The following GRSF1 variants were observed in gnomAD, a reference collection of about 807,000 sequenced individuals.
GRSF1 encodes G-rich RNA sequence binding factor 1, also known as G-rich sequence factor 1.
Under a neutral mutation model 51.1 loss-of-function variants are expected in GRSF1, and 50 were observed. The observed-to-expected ratio is 0.98, with a 90% CI of 0.78 to 1.24. GRSF1 has a LOEUF of 1.24. GRSF1 is among the 50% of genes most tolerant of loss of function. The probability of loss-of-function intolerance (pLI) is 0.00; values close to 1 mark genes in which losing one functional copy is unlikely to be tolerated. For synonymous variants in GRSF1, 293 were observed against 253.3 expected (o/e 1.16, Z -1.49); for missense variants, 700 against 639.7 (o/e 1.09, Z -1.02).
chr4:70,828,736 ATTT>A (rs35686810), intron 5 of GRSF1, among the ~76,000 whole-genome samples: 1 of 133,304 alleles, frequency 7.5e-6, no homozygotes, highest in Non-Finnish European at 1.6e-5. Flanking sequence ...CACACTGCTA[ATTT>A]TTTTTTTTTT....
intron 8 of GRSF1, among the ~76,000 whole-genome samples, chr4:70,825,007 CAGG>C (rs1733676970): frequency 6.6e-6 from 1 of 151,898 alleles, no homozygotes; most frequent in Admixed American, 6.6e-5. Context: ...GTGGCTGAGG[CAGG>C]AGAATTGCTT....
chr4:70,842,055 G>A (rs1181661577), upstream of GRSF1, among the ~76,000 whole-genome samples: 1 of 152,208 alleles, frequency 6.6e-6, no homozygotes, highest in African/African-American at 2.4e-5. Flanking sequence ...GGGAAGGGCA[G>A]GCCCCCAAGA....
Position 70,817,727 on chromosome 4 carries a change from C to T in GRSF1, c.*3160G>A, listed in dbSNP as rs1187925767. 1 of 152,202 alleles carries T rather than the reference C, an allele frequency of 6.6e-6. No homozygotes were observed. Among genetic ancestry groups the T allele is most frequent in the Non-Finnish European group, 1.5e-5 (1 of 68,032 alleles). 9.4% of individuals were successfully genotyped at this position (152,202 alleles called of 1,614,324 possible). A position where few individuals can be genotyped will look rare whatever the true frequency, so the allele number is the denominator to read the frequency against. On this transcript the variant is annotated 3_prime_UTR_variant, in exon 10 of 10. Coordinates refer to ENST00000254799, the MANE Select transcript of GRSF1 (RefSeq NM_002092.4). ...GCAGTTTCTTCCAAAACTAAACATA[C>T]TCTTAACTTACAATCCAGCAACCTG...
intron 1 of GRSF1, chr4:70,838,817 C>G (rs1447789766): frequency 9.9e-6 from 2 of 201,090 alleles, no homozygotes; most frequent in African/African-American, 4.8e-5. Flanking sequence ...CCCCCAACAG[C>G]TAAATCTCCA....
rs1463775899 is a variant in GRSF1 at position 70,832,307 on chromosome 4, C to G, written c.814G>C (p.Gly272Arg). 6.2e-7 allele frequency: 1 copy of G among 1,612,796 alleles called. No individual in the cohort carries two copies. Among genetic ancestry groups the G allele is most frequent in the Non-Finnish European group, 8.5e-7 (1 of 1,179,122 alleles). The stretch of plus-strand genomic sequence containing the variant: ...CAAGCATAATACAACTGCAAAGTAC[C>G]TGCAAAGAAGTCTACAATGTCTTTC... ...NEKDIVDFFA[G>R]LNIVDITFVM... The change falls in exon 4 of 10, where the codon GGA becomes CGA. Residue 272 changes from glycine to arginine, a missense_variant and splice_region_variant. Physicochemically the swap from Gly to Arg is moderately radical, Grantham distance 125. Coordinates refer to ENST00000254799, the MANE Select transcript of GRSF1 (RefSeq NM_002092.4).
At chr4:70,826,514 G>C (rs1298935199) in intron 6 of GRSF1, among the ~76,000 whole-genome samples, 14 of 149,822 alleles carry the variant, frequency 9.3e-5, no homozygotes, top group Non-Finnish European at 1.8e-4. Flanking sequence ...CCCTAAAAGA[G>C]ACTTTCTAGA....
At chr4:70,833,594 T>C (rs1734070455) in intron 2 of GRSF1, among the ~76,000 whole-genome samples, 1 of 152,244 alleles carries the variant, frequency 6.6e-6, no homozygotes, top group African/African-American at 2.4e-5. Flanking sequence ...AAATACAATA[T>C]AGTTAAATTT....
intron 7 of GRSF1, 154 bp downstream of exon 7, chr4:70,825,969 GA>G: frequency 4.6e-6 from 3 of 648,646 alleles, no homozygotes; most frequent in Middle Eastern, 3.3e-4. Flanking sequence ...TTCAGCTACA[GA>G]AAAAGAAGCA....
chr4:70,840,275 G>T (rs1161796834), upstream of GRSF1, among the ~76,000 whole-genome samples: 2 of 152,204 alleles, frequency 1.3e-5, no homozygotes, highest in Non-Finnish European at 2.9e-5. Context: ...GGGTGCAATC[G>T]AACTGCTCTT....
chr4:70,834,215 C>A (rs190625918), intron 2 of GRSF1, among the ~76,000 whole-genome samples: 1 of 151,896 alleles, frequency 6.6e-6, no homozygotes, highest in Non-Finnish European at 1.5e-5. Context: ...GCCGAGATTG[C>A]GCTACTGCAC....
chr4:70,825,243 G>GT, intron 8 of GRSF1, 53 bp downstream of exon 8: 1 of 1,461,830 alleles, frequency 6.8e-7, no homozygotes, highest in Non-Finnish European at 9.3e-7. Context: ...AAAGATATTT[G>GT]TAAGCAAAGA....
Position 70,839,659 on chromosome 4 carries a change from C to A in GRSF1, c.169G>T (p.Ala57Ser). The change falls in exon 1 of 10, where the codon GCG becomes TCG. Residue 57 changes from alanine (A) to serine (S), a missense_variant. Coordinates refer to ENST00000254799, the MANE Select transcript of GRSF1 (RefSeq NM_002092.4). ...RRLLLLLGAA[A>S]AAASQTRGLQ... ...CCACGCGTCTGGGAGGCAGCGGCCG[C>A]GGCGGCCCCGAGCAGCAGCAGCAGG... 1 of 1,403,322 alleles carries A rather than the reference C, an allele frequency of 7.1e-7. No homozygotes were observed. The highest frequency in any genetic ancestry group is 9.2e-7 in the Non-Finnish European group (1 of 1,092,138). The allele number at this position is 1,403,322 out of a possible 1,614,324, so 86.9% of individuals were successfully genotyped here.
intron 5 of GRSF1, among the ~76,000 whole-genome samples, chr4:70,829,258 TA>T (rs1733863502): frequency 1.3e-5 from 2 of 152,028 alleles, no homozygotes; most frequent in South Asian, 4.1e-4. Context: ...TTTACAAATC[TA>T]TAAAGATTAG....
intron 5 of GRSF1, among the ~76,000 whole-genome samples, chr4:70,830,268 A>ACACG (rs1223696126): frequency 1.3e-5 from 2 of 152,164 alleles, no homozygotes; most frequent in East Asian, 1.9e-4. Flanking sequence ...CTACAAACAC[A>ACACG]CACGCACGCA....
chr4:70,838,326 AG>A (rs1434839342), intron 1 of GRSF1, among the ~76,000 whole-genome samples: 2 of 151,550 alleles, frequency 1.3e-5, no homozygotes, highest in Admixed American at 6.6e-5. Flanking sequence ...TCAATTTCAT[AG>A]AAAAAAAAAG....
Position 70,839,563 on chromosome 4 carries a change from C to A in GRSF1, c.265G>T (p.Ala89Ser). 1 of 1,423,428 alleles carries A rather than the reference C, an allele frequency of 7.0e-7. No individual in the cohort carries two copies. The highest frequency in any genetic ancestry group is 2.7e-5 in the Admixed American group (1 of 37,076). The allele number at this position is 1,423,428 out of a possible 1,614,324, so 88.2% of individuals were successfully genotyped here. ...PPAVATSAAA[A>S]AAASYSALRA... ...AGGGCAGAGTAGGACGCGGCGGCCG[C>A]GGCCGCGGCAGAGGTGGCCACAGCG... The change falls in exon 1 of 10, where the codon GCG becomes TCG. Residue 89 changes from alanine (A) to serine (S), a missense_variant. Transcript: ENST00000254799.
At position 70,833,148 on chromosome 4, in the gene GRSF1, G is replaced by T; in HGVS notation, c.640C>A (p.Arg214Ser). ...ACATACCGCTGGCCCATGTACATGCGGTGCTTCTCTAAGGCTTTCTGCACA... is the reference window on the plus strand; with the variant it reads ...ACATACCGCTGGCCCATGTACATGCTGTGCTTCTCTAAGGCTTTCTGCACA... The part of the protein sequence containing the change: ...QDVQKALEKH[R>S]MYMGQRYVEV... Residue 214 changes from arginine to serine, a missense_variant, in exon 3 of 10, where the codon CGC becomes AGC. Arg to Ser is a moderately radical substitution (Grantham distance 110). Coordinates refer to ENST00000254799, the MANE Select transcript of GRSF1 (RefSeq NM_002092.4). 1 of 1,613,826 alleles carries T rather than the reference G, an allele frequency of 6.2e-7. No homozygotes were observed.
upstream of GRSF1, among the ~76,000 whole-genome samples, chr4:70,840,170 C>A (rs1734416032): frequency 2.7e-5 from 3 of 109,628 alleles, no homozygotes; most frequent in Admixed American, 9.0e-5. Context: ...TTGGGCGGGG[C>A]TGCCCATGGT....
At chr4:70,832,262 G>A (rs1734009882) in intron 4 of GRSF1, 45 bp downstream of exon 4, 2 of 1,566,696 alleles carry the variant, frequency 1.3e-6, no homozygotes, top group Non-Finnish European at 1.7e-6. Flanking sequence ...AGATACCAAG[G>A]GAAAAAAGAT....
Sources: allele counts gnomAD v4.1 joint callset (sites outside exome capture counted in the v4.1 genomes callset), GRCh38; gene constraint gnomAD v4.1.1; transcripts MANE v1.5; gene names NCBI Gene and HGNC (gene_info 2026-07-23, HGNC 2026-07-21).